Variants in B9D2 observed in about 807,000 individuals in gnomAD.
B9D2 encodes the protein B9 domain containing 2, also known as B9 domain-containing protein 2.
B9D2 carries 21 observed loss-of-function variants against 19.2 expected under a neutral mutation model. The observed-to-expected ratio is 1.09, with a 90% CI of 0.78 to 1.58. The LOEUF is 1.58. Among genes scored for constraint, B9D2 ranks in the 40% most tolerant of loss-of-function variants. The pLI is 0.00. For missense variants in B9D2, 221 were observed against 244.3 expected (o/e 0.90, Z 0.64); for synonymous variants, 91 against 100.6 (o/e 0.90, Z 0.57).
At chr19:41,356,518 G>A (rs1218366459) in intron 3 of B9D2, among the ~76,000 whole-genome samples, 2 of 151,674 alleles carry the variant, frequency 1.3e-5, no homozygotes, top group African/African-American at 4.8e-5. Flanking sequence ...TTTTTCCCCA[G>A]CTCCAGCTTA....
At chr19:41,357,732 C>A (rs1486976729) in intron 3 of B9D2, among the ~76,000 whole-genome samples, 165 bp downstream of exon 3, 3 of 151,956 alleles carry the variant, frequency 2.0e-5, no homozygotes, top group Non-Finnish European at 2.9e-5. Context: ...TTGAGCAGGC[C>A]TGGGAAGGCC....
chr19:41,355,066 T>A, intron 3 of B9D2, 53 bp from the exon 4 acceptor site: 2 of 1,456,218 alleles, frequency 1.4e-6, no homozygotes, highest in Non-Finnish European at 1.8e-6. Flanking sequence ...ACCAGACTCC[T>A]GCTGATTCCC....
chr19:41,363,395 G>A lies in B9D2; in HGVS notation c.88+37C>T, dbSNP rs755840642. ...GGAGCATGTAGCCTCTAGGCTAGGGGTCTTGGTGTGGAAATGAACCAGGCT... is the reference window on the plus strand; with the variant it reads ...GGAGCATGTAGCCTCTAGGCTAGGGATCTTGGTGTGGAAATGAACCAGGCT... On this transcript the variant is annotated intron_variant, in intron 2 of 3. Transcript: ENST00000243578. The A allele has an allele frequency of 5.6e-6, 9 of 1,599,410 alleles. No homozygotes were observed. The Admixed American group carries it at 1.2e-4, about 21-fold the overall frequency.
intron 2 of B9D2, among the ~76,000 whole-genome samples, chr19:41,361,365 G>A (rs1293238165): frequency 6.6e-6 from 1 of 152,134 alleles, no homozygotes; most frequent in Non-Finnish European, 1.5e-5. Flanking sequence ...TCTGCCCAGG[G>A]TCACAGAGAA....
At chr19:41,361,723 G>A (rs1322335849) in intron 2 of B9D2, among the ~76,000 whole-genome samples, 3 of 71,230 alleles carry the variant, frequency 4.2e-5, no homozygotes, top group Non-Finnish European at 6.0e-5. Flanking sequence ...AGGAGGCAGA[G>A]ATTGCAGTGA....
rs755963627 is a variant in B9D2, at chr19:41,358,030, G to C, written c.89-8C>G. On this transcript the variant is annotated splice_polypyrimidine_tract_variant and splice_region_variant and intron_variant, in intron 2 of 3. Transcript: ENST00000243578. ...GGAGCTTCCATGCCGCCCCTGCAGT[G>C]AGAGCCGGGACATAGAGGGGTGGGA... is the stretch of plus-strand genomic sequence containing the variant. 6 of 1,613,968 alleles carry C rather than the reference G, an allele frequency of 3.7e-6. No individual in the cohort carries two copies. The highest frequency in any genetic ancestry group is 5.1e-6 in the Non-Finnish European group (6 of 1,180,004).
chr19:41,363,869 TC>T, intron 1 of B9D2, 88 bp downstream of exon 1: 1 of 505,218 alleles, frequency 2.0e-6, no homozygotes, highest in Non-Finnish European at 3.6e-6. Context: ...CCCGCTTCCC[TC>T]CCCCAGCAAG....
intron 2 of B9D2, 144 bp downstream of exon 2, chr19:41,363,288 T>C: frequency 5.0e-6 from 4 of 807,476 alleles, no homozygotes; most frequent in Non-Finnish European, 6.3e-6. Context: ...TTGAGACTCA[T>C]GTGGACAGGG....
chr19:41,363,606 A>T (rs2123147243), intron 1 of B9D2, 83 bp from the exon 2 acceptor site: 1 of 1,213,692 alleles, frequency 8.2e-7, no homozygotes, highest in Non-Finnish European at 1.2e-6. Context: ...AGGCCCAGCA[A>T]GTAAAGGGTA....
At position 41,354,785 on chromosome 19, in the gene B9D2, C is replaced by G; in HGVS notation, c.443G>C (p.Arg148Pro). 3 of 1,613,984 alleles carry G rather than the reference C, an allele frequency of 1.9e-6. No homozygotes were observed. Among genetic ancestry groups the G allele is most frequent in the Non-Finnish European group, 2.5e-6 (3 of 1,180,032 alleles). The change falls in exon 4 of 4, where the codon CGC becomes CCC. Residue 148 changes from arginine (R) to proline (P), a missense_variant. Transcript: ENST00000243578. ...GGTGCCACCAGCAGCTGTGTGCAGG[C>G]GATAGCGGTCGGCCCCACTGTAGAT... ...DTIYSGADRY[R>P]LHTAAGGTVH...
chr19:41,362,804 A>C (rs1330722988), intron 2 of B9D2, among the ~76,000 whole-genome samples: 2 of 152,172 alleles, frequency 1.3e-5, no homozygotes, highest in Non-Finnish European at 2.9e-5. Flanking sequence ...CTTTGAAACA[A>C]GGAAACTGAG....
rs190798453 is a variant in B9D2, at chr19:41,354,871, C to A, written c.357G>T (p.Trp119Cys). 3 of 1,613,754 alleles carry A rather than the reference C, an allele frequency of 1.9e-6. No individual in the cohort carries two copies. The highest frequency in any genetic ancestry group is 2.5e-6 in the Non-Finnish European group (3 of 1,179,968). Residue 119 changes from tryptophan (W) to cysteine (C), a missense_variant, in exon 4 of 4, where the codon TGG becomes TGT. Coordinates refer to ENST00000243578, the MANE Select transcript of B9D2 (RefSeq NM_030578.4). The stretch of plus-strand genomic sequence containing the variant: ...CGAAAGCCCGTGCCAACTGTTCTCG[C>A]CAACTGCCCAGGGGCCGCCACGTGG... ...ACPTWRPLGS[W>C]REQLARAFVG... is the part of the protein sequence containing the mutation.
In B9D2 at chr19:41,359,702, TA is replaced by T. The variant is rs879415286; in HGVS notation, c.89-1681del. The stretch of plus-strand genomic sequence containing the variant: ...TGGGCAACAAGAGCGAAATTCCATC[TA>T]AAAAAAAAAAGAAAAGAAAAAAAGA... On this transcript the variant is annotated intron_variant, in intron 2 of 3. Transcript: ENST00000243578. Among the ~76,000 whole-genome samples, 58 of 142,946 alleles carry T rather than the reference TA, an allele frequency of 4.1e-4. 1 individual carries two copies. The highest frequency in any genetic ancestry group is 4.0e-4 in the East Asian group (2 of 4,980). 93.8% of individuals were successfully genotyped at this position (142,946 alleles called of 152,430 possible). A position where few individuals can be genotyped will look rare whatever the true frequency, so the allele number is the denominator to read the frequency against.
intron 1 of B9D2, 23 bp downstream of exon 1, chr19:41,363,935 C>G: frequency 2.8e-6 from 1 of 361,768 alleles, no homozygotes; most frequent in Non-Finnish European, 5.2e-6. Context: ...CGCCTCTAAG[C>G]GCAGCGCATG....
intron 2 of B9D2, 44 bp from the exon 3 acceptor site, chr19:41,358,066 G>A (rs761105034): frequency 1.3e-5 from 21 of 1,612,824 alleles, no homozygotes; most frequent in Admixed American, 3.3e-5. Flanking sequence ...GGCAGCCATC[G>A]GGAAGGGGAT....
chr19:41,362,759 A>T (rs2038431424), intron 2 of B9D2, among the ~76,000 whole-genome samples: 1 of 152,220 alleles, frequency 6.6e-6, no homozygotes, highest in South Asian at 2.1e-4. Flanking sequence ...TCTTAACCTC[A>T]AACCTGTGCT....
At chr19:41,355,953 C>A (rs11466310) in intron 3 of B9D2, among the ~76,000 whole-genome samples, 1 of 152,162 alleles carries the variant, frequency 6.6e-6, no homozygotes, top group African/African-American at 2.4e-5. Flanking sequence ...CCAGAGGGAA[C>A]AGCAAGTGCC....
chr19:41,358,745 C>T (rs986432143), intron 2 of B9D2, among the ~76,000 whole-genome samples: 4 of 152,128 alleles, frequency 2.6e-5, no homozygotes, highest in East Asian at 1.9e-4. Flanking sequence ...GTGGCTCACA[C>T]CTGTAATCTC....
At chr19:41,358,152 T>C (rs2038346731) in intron 2 of B9D2, 130 bp from the exon 3 acceptor site, 4 of 1,372,636 alleles carry the variant, frequency 2.9e-6, no homozygotes, top group Admixed American at 4.1e-5. Flanking sequence ...TGGAACCAAG[T>C]ATCTGGGTTC....
Sources: allele counts gnomAD v4.1 joint callset (sites outside exome capture counted in the v4.1 genomes callset), GRCh38; gene constraint gnomAD v4.1.1; transcripts MANE v1.5; gene names NCBI Gene and HGNC (gene_info 2026-07-23, HGNC 2026-07-21).